CALN1: variants seen among roughly 807,000 people sequenced by gnomAD.
The protein encoded by CALN1 is calcium-binding protein 8.
In CALN1, 17 loss-of-function variants were observed where a neutral mutation model predicts 30.6. That is an observed-to-expected ratio of 0.56 (90% CI 0.38 to 0.83). The LOEUF (loss-of-function observed/expected upper bound fraction) is 0.83, where lower values mean the gene tolerates loss of function less well. CALN1 is among the 40% of genes least tolerant of loss of function. CALN1 has a pLI of 0.00. For synonymous variants in CALN1, 156 were observed against 131.4 expected, an observed-to-expected ratio of 1.19 and a Z score of -1.28; for missense variants, 291 against 354.9, an observed-to-expected ratio of 0.82 and a Z score of 1.45.
At chr7:72,443,904 T>C (rs376590783) in intron 1 of CALN1, among the ~76,000 whole-genome samples, 50 of 142,338 alleles carry the variant, frequency 3.5e-4, no homozygotes, top group South Asian at 2.7e-3. Flanking sequence ...AGTGCAGTGG[T>C]GTGATCTCGG....
intron 5 of CALN1, among the ~76,000 whole-genome samples, chr7:71,944,028 G>C (rs1796272464): frequency 6.6e-6 from 1 of 152,182 alleles, no homozygotes; most frequent in Non-Finnish European, 1.5e-5. Context: ...AAATCTGCAA[G>C]AGTTAAGCCT....
chr7:72,471,949 A>G, the CALN1 span, among the ~76,000 whole-genome samples: 5 of 152,080 alleles, frequency 3.3e-5, no homozygotes, highest in Non-Finnish European at 5.9e-5. Context: ...ACAGGCAACC[A>G]ACATGACACA....
intron 5 of CALN1, among the ~76,000 whole-genome samples, chr7:71,843,764 A>ATG (rs1237541305): frequency 2.0e-5 from 3 of 152,310 alleles, no homozygotes; most frequent in Admixed American, 6.5e-5. Flanking sequence ...TATTATGCTC[A>ATG]TGGGCACGCA....
intron 2 of CALN1, among the ~76,000 whole-genome samples, chr7:72,323,822 T>G (rs149494056): frequency 6.6e-6 from 1 of 152,106 alleles, no homozygotes; most frequent in Non-Finnish European, 1.5e-5. Context: ...GGTGGGTGGA[T>G]TGCTTGAGTC....
chr7:71,794,819 A>T (rs1296419471), intron 6 of CALN1, among the ~76,000 whole-genome samples: 1 of 146,508 alleles, frequency 6.8e-6, no homozygotes, highest in Non-Finnish European at 1.5e-5. Context: ...CTGCAGCTAG[A>T]CTCACCTTTC....
chr7:72,324,633 A>T (rs1408571103), intron 2 of CALN1, among the ~76,000 whole-genome samples: 1 of 150,478 alleles, frequency 6.6e-6, no homozygotes, highest in East Asian at 2.0e-4. Context: ...GCCAGGCTGG[A>T]GCTCAATGGG....
intron 2 of CALN1, chr7:72,337,028 C>T (rs1158465455): frequency 2.0e-6 from 2 of 985,628 alleles, no homozygotes; most frequent in African/African-American, 1.7e-5. Context: ...GTGCCCCGCA[C>T]CCCCTGCACC....
intron 2 of CALN1, among the ~76,000 whole-genome samples, chr7:72,314,715 A>G (rs1271895186): frequency 6.6e-6 from 1 of 151,646 alleles, no homozygotes; most frequent in Non-Finnish European, 1.5e-5. Context: ...GTGCCCGGCC[A>G]TATTTTTTAA....
chr7:72,027,221 T>G (rs1232460766), intron 4 of CALN1, among the ~76,000 whole-genome samples: 2 of 152,116 alleles, frequency 1.3e-5, no homozygotes, highest in African/African-American at 4.8e-5. Flanking sequence ...GGGAGGTGCT[T>G]ATTTAAAAAA....
chr7:72,205,299 C>T (rs1260173078), intron 3 of CALN1, among the ~76,000 whole-genome samples: 3 of 151,598 alleles, frequency 2.0e-5, no homozygotes, highest in African/African-American at 2.4e-5. Flanking sequence ...GCCTCCCAGG[C>T]TCAAGCATCT....
intron 5 of CALN1, among the ~76,000 whole-genome samples, chr7:71,848,610 A>G (rs1240722331): frequency 6.6e-6 from 1 of 152,130 alleles, no homozygotes; most frequent in African/African-American, 2.4e-5. Context: ...TGTGTTCTCA[A>G]TGAAACACAC....
At chr7:72,457,202 GTTTC>G in the CALN1 span, among the ~76,000 whole-genome samples, 1 of 151,860 alleles carries the variant, frequency 6.6e-6, no homozygotes, top group Non-Finnish European at 1.5e-5. Flanking sequence ...TAGAGATGTG[GTTTC>G]ACCATATTAG....
chr7:72,387,989 A>G (rs1380603064), intron 2 of CALN1, among the ~76,000 whole-genome samples: 2 of 152,216 alleles, frequency 1.3e-5, no homozygotes, highest in African/African-American at 4.8e-5. Context: ...AATTAACAAT[A>G]ACATGTTGTA....
intron 4 of CALN1, among the ~76,000 whole-genome samples, chr7:72,054,418 CGT>C (rs1220345184): frequency 1.1e-4 from 4 of 36,828 alleles, no homozygotes; most frequent in African/African-American, 3.4e-4. Flanking sequence ...TATATATATA[CGT>C]GTATATATAC....
chr7:72,031,564 T>G (rs2129531997), intron 4 of CALN1, among the ~76,000 whole-genome samples: 1 of 152,058 alleles, frequency 6.6e-6, no homozygotes. Context: ...CTCAGAATCT[T>G]AATTGTTTTG....
intron 3 of CALN1, among the ~76,000 whole-genome samples, chr7:72,118,530 G>A (rs1011160765): frequency 1.3e-5 from 2 of 152,214 alleles, no homozygotes; most frequent in Non-Finnish European, 2.9e-5. Flanking sequence ...GACAGATTAA[G>A]CTGAATCGAT....
In CALN1 at chr7:72,023,646, T is replaced by C. The variant is rs770754803; in HGVS notation, c.501+11A>G. 15 of 1,605,740 alleles carry C rather than the reference T, an allele frequency of 9.3e-6. No individual in the cohort carries two copies. The highest frequency in any genetic ancestry group is 1.2e-5 in the Non-Finnish European group (14 of 1,173,568). Reference sequence around the variant, plus strand: ...GTCAAACTTAGTCTGAAAAAAAATATTCTTACTCACCTGCCAGAATATGCT... The same window carrying C: ...GTCAAACTTAGTCTGAAAAAAAATACTCTTACTCACCTGCCAGAATATGCT... On this transcript the variant is annotated intron_variant, in intron 5 of 6. Coordinates refer to ENST00000395275, the MANE Select transcript of CALN1 (RefSeq NM_031468.4).
At chr7:72,124,180 G>A (rs926597114) in intron 3 of CALN1, among the ~76,000 whole-genome samples, 5 of 152,030 alleles carry the variant, frequency 3.3e-5, no homozygotes, top group Non-Finnish European at 5.9e-5. Flanking sequence ...GCTCATGTCC[G>A]TGTGGATTTG....
At chr7:72,106,080 G>A (rs1807084736) in intron 4 of CALN1, 71 bp downstream of exon 4, 6 of 1,554,260 alleles carry the variant, frequency 3.9e-6, no homozygotes, top group East Asian at 4.7e-5. Flanking sequence ...GCAAGGCCCT[G>A]CATAAACCGA....
Sources: gnomAD v4.1 joint callset for allele counts (sites outside exome capture counted in the v4.1 genomes callset) on GRCh38, gnomAD v4.1.1 for gene constraint, MANE v1.5 for transcripts, NCBI Gene and HGNC (gene_info 2026-07-23, HGNC 2026-07-21) for gene names.